DYM: variants seen among roughly 807,000 people sequenced by gnomAD.
DYM encodes dymeclin.
A neutral mutation model predicts 93.1 loss-of-function variants in DYM; 78 were observed. That is an observed-to-expected ratio of 0.84 (90% CI 0.70 to 1.01). The LOEUF (loss-of-function observed/expected upper bound fraction) is 1.01, where lower values mean the gene tolerates loss of function less well. Among genes scored for constraint, DYM ranks in the 50% least tolerant of loss-of-function variants. The pLI is 0.00. For missense variants in DYM, 789 were observed against 845.0 expected (o/e 0.93, Z 0.82); for synonymous variants, 321 against 319.7 (o/e 1.00, Z -0.04).
rs140073654 is a variant in DYM, at chr18:49,216,534, C to T, written c.1461-6819G>A. On this transcript the variant is annotated intron_variant, in intron 13 of 17. Transcript: ENST00000675505. ...GGGGCAGACTGACATCTCACACGGC[C>T]GGGTACTCCTTTCAGACAAAACTTC... Among the ~76,000 whole-genome samples the T allele has an allele frequency of 3.4e-3, 524 of 152,232 alleles. 4 individuals carry two copies. The highest frequency in any genetic ancestry group is 0.012 in the African/African-American group (486 of 41,530).
intron 16 of DYM, among the ~76,000 whole-genome samples, chr18:49,108,259 A>T (rs965416128): frequency 6.6e-6 from 1 of 152,222 alleles, no homozygotes; most frequent in Non-Finnish European, 1.5e-5. Context: ...TTGGAAAAGC[A>T]CAGTATTAGG....
At chr18:49,439,892 T>TA (rs1379525257) in intron 1 of DYM, among the ~76,000 whole-genome samples, 1 of 151,824 alleles carries the variant, frequency 6.6e-6, no homozygotes, top group Non-Finnish European at 1.5e-5. Context: ...TAGTCCCAGC[T>TA]ACTCAGAAGG....
At chr18:49,156,598 G>A (rs984325152) in intron 15 of DYM, among the ~76,000 whole-genome samples, 4 of 151,882 alleles carry the variant, frequency 2.6e-5, no homozygotes, top group South Asian at 2.1e-4. Flanking sequence ...AGGGCGTGGT[G>A]GTGCATGCCT....
chr18:49,155,047 CT>C (rs1258129084), intron 15 of DYM, among the ~76,000 whole-genome samples: 2 of 152,080 alleles, frequency 1.3e-5, no homozygotes, highest in Admixed American at 1.3e-4. Context: ...CTGTAGAATA[CT>C]GCATTGGATG....
At chr18:49,179,301 C>CCA (rs2089691421) in intron 14 of DYM, among the ~76,000 whole-genome samples, 1 of 152,114 alleles carries the variant, frequency 6.6e-6, no homozygotes, top group Admixed American at 6.6e-5. Flanking sequence ...GTAATTACAA[C>CCA]TGATAAGGAG....
intron 13 of DYM, among the ~76,000 whole-genome samples, chr18:49,216,246 G>T (rs12968802): frequency 3.3e-5 from 5 of 152,058 alleles, no homozygotes; most frequent in African/African-American, 9.7e-5. Context: ...TAAAGCAGCC[G>T]GGAAGCTCGA....
chr18:49,199,167 G>T (rs944261779), intron 14 of DYM, among the ~76,000 whole-genome samples: 1 of 152,124 alleles, frequency 6.6e-6, no homozygotes, highest in Non-Finnish European at 1.5e-5. Flanking sequence ...TCATAGGTGG[G>T]AAATGAACAA....
At chr18:49,094,539 A>G (rs904937333) in intron 17 of DYM, among the ~76,000 whole-genome samples, 2 of 152,236 alleles carry the variant, frequency 1.3e-5, no homozygotes, top group Non-Finnish European at 2.9e-5. Context: ...ACAGAATACC[A>G]GTAAGAAGAG....
chr18:49,127,756 G>C (rs1379520557), intron 15 of DYM, among the ~76,000 whole-genome samples: 3 of 152,194 alleles, frequency 2.0e-5, no homozygotes, highest in African/African-American at 7.2e-5. Flanking sequence ...GTTATTTCTA[G>C]CCAGAACTGG....
Position 49,163,757 on chromosome 18 carries a change from G to A in DYM, c.1656C>T (p.Asn552=). 1 of 1,611,966 alleles carries A rather than the reference G, an allele frequency of 6.2e-7. No homozygotes were observed. The highest frequency in any genetic ancestry group is 8.5e-7 in the Non-Finnish European group (1 of 1,178,802). ...SLFSLLSKKH[N]KVLEQATQSL... ...ACTGTGTGGCTTGTTCCAGAACTTTGTTGTGTTTTTTAGACAGCAAAGAAA... is the reference window on the plus strand; with the variant it reads ...ACTGTGTGGCTTGTTCCAGAACTTTATTGTGTTTTTTAGACAGCAAAGAAA... Residue 552 remains asparagine, a synonymous_variant, in exon 15 of 18, where the codon AAC becomes AAT. Coordinates refer to ENST00000675505, the MANE Select transcript of DYM (RefSeq NM_001353214.3).
At chr18:49,296,905 T>C (rs762455850) in intron 8 of DYM, among the ~76,000 whole-genome samples, 5 of 152,222 alleles carry the variant, frequency 3.3e-5, no homozygotes, top group East Asian at 3.8e-4. Context: ...GTATTATATA[T>C]ACACAAGTCT....
At chr18:49,260,694 G>A (rs1345148738) in intron 11 of DYM, among the ~76,000 whole-genome samples, 1 of 152,146 alleles carries the variant, frequency 6.6e-6, no homozygotes, top group Non-Finnish European at 1.5e-5. Flanking sequence ...ACTAATGTTA[G>A]AGTTCCCATC....
At chr18:49,351,264 A>C (rs1250685484) in intron 6 of DYM, among the ~76,000 whole-genome samples, 1 of 152,152 alleles carries the variant, frequency 6.6e-6, no homozygotes, top group Non-Finnish European at 1.5e-5. Flanking sequence ...TCTACTAAAA[A>C]TATAAAAATT....
chr18:49,403,714 A>G (rs1306368537), intron 2 of DYM, among the ~76,000 whole-genome samples: 2 of 152,138 alleles, frequency 1.3e-5, no homozygotes, highest in East Asian at 3.8e-4. Context: ...AAAGTACCCA[A>G]CAGTTTTTTA....
intron 14 of DYM, among the ~76,000 whole-genome samples, chr18:49,174,846 C>A (rs950025863): frequency 6.6e-6 from 1 of 151,352 alleles, no homozygotes; most frequent in African/African-American, 2.4e-5. Flanking sequence ...AGAGAGAGAG[C>A]GAGAACTGAG....
chr18:49,070,520 A>G (rs1371998057), intron 17 of DYM, among the ~76,000 whole-genome samples: 1 of 152,192 alleles, frequency 6.6e-6, no homozygotes, highest in Non-Finnish European at 1.5e-5. Flanking sequence ...TGCAGCTCAA[A>G]GTCCTCTGAG....
intron 15 of DYM, among the ~76,000 whole-genome samples, chr18:49,120,780 A>G (rs1165781013): frequency 3.3e-5 from 5 of 152,200 alleles, no homozygotes; most frequent in African/African-American, 4.8e-5. Context: ...AAGAGATGAA[A>G]AGGTATGCCT....
chr18:49,452,219 C>T (rs1372888892), intron 1 of DYM, among the ~76,000 whole-genome samples: 1 of 152,174 alleles, frequency 6.6e-6, no homozygotes, highest in African/African-American at 2.4e-5. Context: ...CTCTCGCTGG[C>T]TTAGGAGTGA....
chr18:49,440,094 T>G (rs2148564757), intron 1 of DYM, among the ~76,000 whole-genome samples: 1 of 144,282 alleles, frequency 6.9e-6, no homozygotes, highest in African/African-American at 2.6e-5. Context: ...GTGAAATATT[T>G]GATAAATACA....
Sources: allele counts gnomAD v4.1 joint callset (sites outside exome capture counted in the v4.1 genomes callset), GRCh38; gene constraint gnomAD v4.1.1; transcripts MANE v1.5; gene names NCBI Gene and HGNC (gene_info 2026-07-23, HGNC 2026-07-21).